The following FTO variants were observed in gnomAD, a reference collection of about 807,000 sequenced individuals.
FTO encodes FTO alpha-ketoglutarate dependent dioxygenase.
FTO carries 47 observed loss-of-function variants against 63.9 expected under a neutral mutation model. The ratio of observed to expected loss-of-function variants is 0.74; its 90% CI spans 0.58 to 0.94. The LOEUF is 0.94. Among genes scored for constraint, FTO ranks in the 40% least tolerant of loss-of-function variants. The pLI is 0.00. For synonymous variants in FTO, 207 were observed against 224.4 expected, an observed-to-expected ratio of 0.92 and a Z score of 0.69; for missense variants, 562 against 618.1, an observed-to-expected ratio of 0.91 and a Z score of 0.96.
intron 1 of FTO, chr16:53,764,105 C>T (rs1598602605): frequency 6.6e-6 from 1 of 152,174 alleles, no homozygotes; most frequent in Non-Finnish European, 1.5e-5. Context: ...TTCAGCACGG[C>T]ACCCAGAGTG....
In FTO at chr16:54,002,219, G is replaced by A. The variant is rs922540669; in HGVS notation, c.1364+68110G>A. 2.6e-5 allele frequency among the ~76,000 whole-genome samples: 4 copies of A among 152,132 alleles called. No homozygotes were observed. In the East Asian group the frequency reaches 5.8e-4, roughly 22 times the overall value. On this transcript the variant is annotated intron_variant, in intron 8 of 8. Transcript: ENST00000471389. The stretch of plus-strand genomic sequence containing the variant: ...GGTAGAGACTGGGTCTCACCATGTT[G>A]CCCAGGCTGGTCTTCAACTCCTGGG...
chr16:53,894,882 TAA>T (rs1028773000), intron 7 of FTO, among the ~76,000 whole-genome samples: 9 of 152,280 alleles, frequency 5.9e-5, no homozygotes, highest in African/African-American at 2.2e-4. Flanking sequence ...TAGAGGTGGA[TAA>T]AGAGTCATAA....
chr16:53,797,765 T>C (rs2078113180), intron 1 of FTO, among the ~76,000 whole-genome samples: 1 of 152,254 alleles, frequency 6.6e-6, no homozygotes, highest in South Asian at 2.1e-4. Context: ...TTTGTTTTCA[T>C]GAGAGCAGTG....
At chr16:53,720,874 C>T (rs994263331) in intron 1 of FTO, among the ~76,000 whole-genome samples, 11 of 151,950 alleles carry the variant, frequency 7.2e-5, no homozygotes, top group African/African-American at 2.2e-4. Flanking sequence ...ACTGCAGCCT[C>T]GACCTCCTAG....
At chr16:53,883,938 T>C (rs2080929952) in intron 6 of FTO, among the ~76,000 whole-genome samples, 1 of 152,230 alleles carries the variant, frequency 6.6e-6, no homozygotes, top group Non-Finnish European at 1.5e-5. Context: ...GCTCGCTCTC[T>C]ACTTTGTCCT....
At chr16:54,108,952 A>G (rs1459361707) in intron 8 of FTO, among the ~76,000 whole-genome samples, 1 of 152,196 alleles carries the variant, frequency 6.6e-6, no homozygotes, top group Non-Finnish European at 1.5e-5. Flanking sequence ...AGCAAAAGAA[A>G]TGAAACCCTA....
At chr16:53,942,265 G>A (rs1381721826) in intron 8 of FTO, among the ~76,000 whole-genome samples, 1 of 152,176 alleles carries the variant, frequency 6.6e-6, no homozygotes, top group Non-Finnish European at 1.5e-5. Context: ...TGGTGTTTAA[G>A]CCCCAACATG....
In FTO at chr16:53,719,849, A is replaced by T. The variant is rs79592689; in HGVS notation, c.45+15620A>T. Among the ~76,000 whole-genome samples, 647 of 152,130 alleles carry T rather than the reference A, an allele frequency of 4.3e-3. 4 individuals carry two copies. The highest frequency in any genetic ancestry group is 0.015 in the African/African-American group (617 of 41,512). Reference sequence around the variant, plus strand: ...ATAGTTTTATCTTTTTGGTTTCTGTAGCAATTTGTGCATGTTTTTGTAGCA... The same window carrying T: ...ATAGTTTTATCTTTTTGGTTTCTGTTGCAATTTGTGCATGTTTTTGTAGCA... On this transcript the variant is annotated intron_variant, in intron 1 of 8. Coordinates refer to ENST00000471389, the MANE Select transcript of FTO (RefSeq NM_001080432.3).
At chr16:53,833,241 G>A (rs1251039045) in intron 3 of FTO, among the ~76,000 whole-genome samples, 3 of 152,196 alleles carry the variant, frequency 2.0e-5, no homozygotes, top group African/African-American at 7.2e-5. Flanking sequence ...ATGTGGTACT[G>A]TAAGTCCAAT....
chr16:53,730,181 A>G (rs1000801101), intron 1 of FTO, among the ~76,000 whole-genome samples: 2 of 152,174 alleles, frequency 1.3e-5, no homozygotes, highest in African/African-American at 4.8e-5. Flanking sequence ...CCTAATTTAA[A>G]TAAATATCAT....
chr16:54,066,747 G>A (rs975586132), intron 8 of FTO, among the ~76,000 whole-genome samples: 14 of 152,232 alleles, frequency 9.2e-5, no homozygotes, highest in African/African-American at 2.9e-4. Context: ...AGAGTATCAG[G>A]TGTAGCTCAG....
In FTO at chr16:54,119,047, G is replaced by A. The variant is rs1201944894; in HGVS notation, c.*7132G>A. On this transcript the variant is annotated 3_prime_UTR_variant, in exon 9 of 9. Coordinates refer to ENST00000471389, the MANE Select transcript of FTO (RefSeq NM_001080432.3). ...TCTTAAAGCCACAGCAGGCTGCCAG[G>A]GCTTGGAGAAATAGAAACCTCTCTT... 6.6e-6 allele frequency: 1 copy of A among 152,110 alleles called. No individual in the cohort carries two copies. Among genetic ancestry groups the A allele is most frequent in the East Asian group, 1.9e-4 (1 of 5,178 alleles). 9.4% of individuals were successfully genotyped at this position (152,110 alleles called of 1,614,324 possible). A position where few individuals can be genotyped will look rare whatever the true frequency, so the allele number is the denominator to read the frequency against.
intron 1 of FTO, among the ~76,000 whole-genome samples, chr16:53,789,846 C>A (rs1012880033): frequency 2.0e-5 from 3 of 146,628 alleles, no homozygotes; most frequent in African/African-American, 7.6e-5. Flanking sequence ...ATATTCCAGA[C>A]AAATTATATA....
intron 1 of FTO, among the ~76,000 whole-genome samples, chr16:53,712,539 A>G (rs2075799878): frequency 6.6e-6 from 1 of 152,250 alleles, no homozygotes; most frequent in Non-Finnish European, 1.5e-5. Context: ...CTTGAAAATT[A>G]ACCAGCTAAA....
intron 8 of FTO, among the ~76,000 whole-genome samples, chr16:54,090,742 C>T (rs1210481976): frequency 3.9e-5 from 6 of 152,272 alleles, no homozygotes; most frequent in South Asian, 2.1e-4. Context: ...TCTAAGACTC[C>T]GGCCTTCTGG....
intron 7 of FTO, 25 bp from the exon 8 acceptor site, chr16:53,933,960 C>A (rs1433145858): frequency 6.2e-7 from 1 of 1,609,232 alleles, no homozygotes; most frequent in Non-Finnish European, 8.5e-7. Context: ...CTTTTTCTTT[C>A]TCTGTTTTGG....
At chr16:53,867,118 AT>A (rs982095170) in intron 4 of FTO, among the ~76,000 whole-genome samples, 2 of 151,738 alleles carry the variant, frequency 1.3e-5, no homozygotes, top group Non-Finnish European at 2.9e-5. Flanking sequence ...TTTTTTTAAG[AT>A]TTTTTTGACC....
rs1054074955 is a variant in FTO, at chr16:54,121,864, T to C, written c.*9949T>C. ...TACCCAGAAGCCCCGGCTCTTAGAGTTTCTATTAAGATGTACCTCATAAAT... is the reference window on the plus strand; with the variant it reads ...TACCCAGAAGCCCCGGCTCTTAGAGCTTCTATTAAGATGTACCTCATAAAT... On this transcript the variant is annotated 3_prime_UTR_variant, in exon 9 of 9. Coordinates refer to ENST00000471389, the MANE Select transcript of FTO (RefSeq NM_001080432.3). The C allele has an allele frequency of 6.6e-6, 1 of 152,020 alleles. No homozygotes were observed. The highest frequency in any genetic ancestry group is 1.5e-5 in the Non-Finnish European group (1 of 68,004). 9.4% of individuals were successfully genotyped at this position (152,020 alleles called of 1,614,324 possible).
chr16:53,977,183 T>C (rs1347552098), intron 8 of FTO, among the ~76,000 whole-genome samples: 1 of 152,182 alleles, frequency 6.6e-6, no homozygotes, highest in Admixed American at 6.5e-5. Flanking sequence ...TAATTCTCTT[T>C]AATGGTTGTT....
Sources: allele counts gnomAD v4.1 joint callset (sites outside exome capture counted in the v4.1 genomes callset), GRCh38; gene constraint gnomAD v4.1.1; transcripts MANE v1.5; gene names NCBI Gene and HGNC (gene_info 2026-07-23, HGNC 2026-07-21).